EFL1: variants seen among roughly 807,000 people sequenced by gnomAD.
The protein encoded by EFL1 is elongation factor-like GTPase 1.
In EFL1, 76 loss-of-function variants were observed where a neutral mutation model predicts 126.7. That is an observed-to-expected ratio of 0.60 (90% confidence interval 0.50 to 0.73). EFL1 has a LOEUF of 0.73. EFL1 is among the 30% of genes least tolerant of loss of function. EFL1 has a pLI of 0.00. For missense variants in EFL1, 1,128 were observed against 1,343.2 expected, an observed-to-expected ratio of 0.84 and a Z score of 2.50; for synonymous variants, 410 against 448.4, an observed-to-expected ratio of 0.91 and a Z score of 1.08.
chr15:82,172,040 GAAAAGACATT>G (rs2074141650), intron 15 of EFL1, among the ~76,000 whole-genome samples: 1 of 145,876 alleles, frequency 6.9e-6, no homozygotes, highest in East Asian at 2.0e-4. Flanking sequence ...AATAGTCCAA[GAAAAGACATT>G]AAAAGAAAAG....
At chr15:82,222,634 G>C (rs1284229822) in intron 12 of EFL1, among the ~76,000 whole-genome samples, 2 of 152,156 alleles carry the variant, frequency 1.3e-5, no homozygotes, top group African/African-American at 4.8e-5. Context: ...ACACTGCTGG[G>C]CACTGGGAAT....
At chr15:82,259,881 G>C (rs1200074478) in intron 2 of EFL1, among the ~76,000 whole-genome samples, 2 of 152,180 alleles carry the variant, frequency 1.3e-5, no homozygotes, top group African/African-American at 2.4e-5. Context: ...AGACCAATGA[G>C]TAGGAGAACT....
At chr15:82,209,546 G>A (rs915976919) in intron 15 of EFL1, among the ~76,000 whole-genome samples, 8 of 152,142 alleles carry the variant, frequency 5.3e-5, no homozygotes, top group Non-Finnish European at 8.8e-5. Flanking sequence ...TATATGAAAA[G>A]GCTAAAGATT....
At chr15:82,185,211 G>A (rs2074291714) in intron 15 of EFL1, among the ~76,000 whole-genome samples, 1 of 139,556 alleles carries the variant, frequency 7.2e-6, no homozygotes, top group Admixed American at 7.3e-5. Flanking sequence ...GTGTGTGTGT[G>A]TGTGCGTTCC....
intron 15 of EFL1, among the ~76,000 whole-genome samples, chr15:82,168,182 C>A (rs1423704977): frequency 6.6e-6 from 1 of 152,154 alleles, no homozygotes; most frequent in African/African-American, 2.4e-5. Context: ...CAATTTTATG[C>A]CTTGGTTTTG....
intron 18 of EFL1, among the ~76,000 whole-genome samples, chr15:82,145,441 A>C (rs976102535): frequency 1.3e-5 from 2 of 152,068 alleles, no homozygotes; most frequent in African/African-American, 4.8e-5. Context: ...TATACTCCAT[A>C]AATATACCTA....
intron 15 of EFL1, among the ~76,000 whole-genome samples, chr15:82,195,203 G>T (rs960387841): frequency 2.0e-5 from 3 of 152,156 alleles, no homozygotes; most frequent in Admixed American, 1.3e-4. Flanking sequence ...AACTCTGGAT[G>T]TATCTGAATT....
At position 82,182,782 on chromosome 15, in the gene EFL1, G is replaced by A. The variant is rs139838053; in HGVS notation, c.1751-18798C>T. On this transcript the variant is annotated intron_variant, in intron 15 of 19. Coordinates refer to ENST00000268206, the MANE Select transcript of EFL1 (RefSeq NM_024580.6). ...AGAGCTTGCAGTGAACCGAGATCGC[G>A]CCACTGTACTCCAGCCTGGGCGACA... is the stretch of plus-strand genomic sequence containing the variant. Among the ~76,000 whole-genome samples, 139 of 151,618 alleles carry A rather than the reference G, an allele frequency of 9.2e-4. 1 individual carries two copies. The East Asian group carries it at 0.026, about 28-fold the overall frequency.
chr15:82,235,258 T>C (rs1297624136), intron 7 of EFL1, among the ~76,000 whole-genome samples: 1 of 152,172 alleles, frequency 6.6e-6, no homozygotes, highest in African/African-American at 2.4e-5. Context: ...TTTGGTGAAA[T>C]AATTTAAATA....
intron 17 of EFL1, 45 bp downstream of exon 17, chr15:82,157,668 T>G (rs777963477): frequency 6.4e-7 from 1 of 1,572,118 alleles, no homozygotes; most frequent in Non-Finnish European, 8.7e-7. Context: ...AACATCCCAT[T>G]GATTGAGAGC....
In EFL1 at chr15:82,138,724, A is replaced by C. The variant is rs771101423; in HGVS notation, c.3108T>G (p.Phe1036Leu). Residue 1036 changes from phenylalanine to leucine, a missense_variant, in exon 19 of 20, where the codon TTT (phenylalanine) becomes TTG (leucine). Physicochemically the swap from Phe to Leu is conservative, Grantham distance 22 (BLOSUM62 0). Around this residue, in one of 6 missense-constraint regions of EFL1, gnomAD observed 561 missense variants for 641.7 expected, o/e 0.87. Transcript: ENST00000268206. ...AVLPVAESFGFADEIRKRTSG... is the reference protein window; with the variant it reads ...AVLPVAESFGLADEIRKRTSG... The stretch of plus-strand genomic sequence containing the variant: ...TTGTCCTCTTCCTGATTTCATCAGC[A>C]AAACCAAAGCTTTCAGCAACAGGCA... 6.2e-7 allele frequency: 1 copy of C among 1,614,066 alleles called. No homozygotes were observed. Among genetic ancestry groups the C allele is most frequent in the Admixed American group, 1.7e-5 (1 of 60,022 alleles).
At chr15:82,229,328 T>C (rs2074797120) in intron 8 of EFL1, among the ~76,000 whole-genome samples, 1 of 152,176 alleles carries the variant, frequency 6.6e-6, no homozygotes, top group Non-Finnish European at 1.5e-5. Context: ...CCATAGACTT[T>C]ACAAGTGATA....
chr15:82,195,837 A>T (rs2074402540), intron 15 of EFL1, among the ~76,000 whole-genome samples: 1 of 152,176 alleles, frequency 6.6e-6, no homozygotes, highest in African/African-American at 2.4e-5. Flanking sequence ...TGCCTAAAGA[A>T]TGAGGACCCT....
intron 15 of EFL1, among the ~76,000 whole-genome samples, chr15:82,170,682 T>A (rs1567048884): frequency 6.6e-6 from 1 of 152,206 alleles, no homozygotes; most frequent in East Asian, 1.9e-4. Flanking sequence ...TTAAGAGCTA[T>A]TTTGGAGTAT....
intron 15 of EFL1, among the ~76,000 whole-genome samples, chr15:82,172,946 A>G (rs989470578): frequency 1.3e-5 from 2 of 152,196 alleles, no homozygotes; most frequent in Non-Finnish European, 2.9e-5. Context: ...AGATTATTTT[A>G]TCTTTGAATT....
In EFL1 at chr15:82,238,288, C is replaced by T. The variant is rs527436945; in HGVS notation, c.731+19G>A. On this transcript the variant is annotated intron_variant, in intron 7 of 19. Coordinates refer to ENST00000268206, the MANE Select transcript of EFL1 (RefSeq NM_024580.6). The stretch of plus-strand genomic sequence containing the variant: ...TATAAAATCTGCAAAGAGATTTAAT[C>T]AGATGCAAACAGACTTACCCAAAGC... 5 of 1,609,454 alleles carry T rather than the reference C, an allele frequency of 3.1e-6. No homozygotes were observed. In the East Asian group the frequency reaches 8.9e-5, roughly 29 times the overall value.
At chr15:82,197,725 G>C (rs924488784) in intron 15 of EFL1, among the ~76,000 whole-genome samples, 2 of 152,022 alleles carry the variant, frequency 1.3e-5, no homozygotes, top group African/African-American at 4.8e-5. Context: ...GGAGGGGCAA[G>C]AGAATGAAAA....
chr15:82,205,394 T>C (rs1297183116), intron 15 of EFL1, among the ~76,000 whole-genome samples: 1 of 152,248 alleles, frequency 6.6e-6, no homozygotes, highest in Non-Finnish European at 1.5e-5. Context: ...TCTTAACAGA[T>C]GGCTATGTTT....
At chr15:82,203,549 A>G (rs750397624) in intron 15 of EFL1, among the ~76,000 whole-genome samples, 213 of 151,990 alleles carry the variant, frequency 1.4e-3, no homozygotes, top group Middle Eastern at 6.8e-3. Flanking sequence ...AAATTTTTGT[A>G]TTTTTAGTAG....
Sources: allele counts gnomAD v4.1 joint callset (sites outside exome capture counted in the v4.1 genomes callset), GRCh38; gene constraint gnomAD v4.1.1; regional missense constraint gnomAD v4.1.1; transcripts MANE v1.5; gene names NCBI Gene and HGNC (gene_info 2026-07-23, HGNC 2026-07-21).